MET: variants seen among roughly 807,000 people sequenced by gnomAD.
The protein encoded by MET is hepatocyte growth factor receptor.
Under a neutral mutation model 133.1 loss-of-function variants are expected in MET, and 48 were observed. That is an observed-to-expected ratio of 0.36 (90% confidence interval 0.29 to 0.46). MET has a LOEUF of 0.46. Among genes scored for constraint, MET ranks in the 20% least tolerant of loss-of-function variants. The pLI is 1.00. For synonymous variants in MET, 628 were observed against 616.5 expected (o/e 1.02, Z -0.28); for missense variants, 1,442 against 1,695.9 (o/e 0.85, Z 2.63).
chr7:116,705,506 T>C lies in MET; in HGVS notation c.1200+5222T>C, dbSNP rs149508208. Among the ~76,000 whole-genome samples the C allele has an allele frequency of 5.3e-3, 805 of 152,260 alleles. 6 individuals are homozygous for C. The highest frequency in any genetic ancestry group is 9.9e-3 in the Admixed American group (152 of 15,280). On this transcript the variant is annotated intron_variant, in intron 2 of 20. Coordinates refer to ENST00000397752, the MANE Select transcript of MET (RefSeq NM_000245.4). The stretch of plus-strand genomic sequence containing the variant: ...GAAGCCAGATTATAGAGTTTTTTAC[T>C]TATTGTGCTCAAAAATGAGAAAATG...
At chr7:116,705,835 C>T (rs574975510) in intron 2 of MET, among the ~76,000 whole-genome samples, 70 of 152,116 alleles carry the variant, frequency 4.6e-4, no homozygotes, top group African/African-American at 1.4e-3. Flanking sequence ...ACTCATTCCA[C>T]GAAAAGTGGC....
At chr7:116,687,436 T>C (rs1440546304) in intron 1 of MET, among the ~76,000 whole-genome samples, 2 of 152,240 alleles carry the variant, frequency 1.3e-5, no homozygotes, top group Non-Finnish European at 2.9e-5. Flanking sequence ...TGGTTCTTTA[T>C]TTTCTGGTGA....
At chr7:116,718,142 A>G (rs951408085) in intron 2 of MET, among the ~76,000 whole-genome samples, 1 of 152,230 alleles carries the variant, frequency 6.6e-6, no homozygotes, top group African/African-American at 2.4e-5. Flanking sequence ...TAATCCCAGC[A>G]CTTTGGGAAG....
At chr7:116,779,280 C>T (rs1795084926) in intron 17 of MET, among the ~76,000 whole-genome samples, 1 of 152,196 alleles carries the variant, frequency 6.6e-6, no homozygotes, top group South Asian at 2.1e-4. Context: ...GCAGAGCAAG[C>T]CTCAGCCCAT....
intron 2 of MET, among the ~76,000 whole-genome samples, chr7:116,705,137 A>T (rs544657682): frequency 1.3e-5 from 2 of 152,094 alleles, no homozygotes; most frequent in African/African-American, 4.8e-5. Context: ...AAAAATAAAC[A>T]TACAGTGATG....
intron 2 of MET, among the ~76,000 whole-genome samples, chr7:116,721,086 A>G (rs1792466469): frequency 1.3e-5 from 2 of 152,226 alleles, no homozygotes; most frequent in Admixed American, 1.3e-4. Context: ...TGCACCTCTG[A>G]TAGAATTCGG....
chr7:116,797,383 C>T lies in MET; in HGVS notation c.*1259C>T, dbSNP rs1055498170. On this transcript the variant is annotated 3_prime_UTR_variant, in exon 21 of 21. Transcript: ENST00000397752. ...TTCCCACCTCGCAAGCAATTGGAAA[C>T]AAAACTTTTGGGGAGTTTTATTTTG... The T allele has an allele frequency of 1.3e-5, 3 of 228,026 alleles. No homozygotes were observed. Among genetic ancestry groups the T allele is most frequent in the African/African-American group, 6.7e-5 (3 of 44,898 alleles). The allele number at this position is 228,026 out of a possible 1,614,324, so 14.1% of individuals were successfully genotyped here.
intron 1 of MET, among the ~76,000 whole-genome samples, chr7:116,679,368 T>C (rs1456332887): frequency 6.6e-6 from 1 of 152,226 alleles, no homozygotes; most frequent in Non-Finnish European, 1.5e-5. Context: ...ATATATGACA[T>C]TTATTGAAAT....
intron 14 of MET, 100 bp downstream of exon 14, chr7:116,772,089 A>G (rs2116999718): frequency 2.2e-6 from 3 of 1,358,076 alleles, no homozygotes; most frequent in East Asian, 4.7e-5. Flanking sequence ...ATTTTTATAA[A>G]AACCTAAAGG....
intron 2 of MET, among the ~76,000 whole-genome samples, chr7:116,703,712 C>T (rs1791668126): frequency 6.6e-6 from 1 of 152,042 alleles, no homozygotes; most frequent in African/African-American, 2.4e-5. Flanking sequence ...AGAATCAGTA[C>T]ACATTGGCCC....
Position 116,699,831 on chromosome 7 carries a change from T to C in MET, c.747T>C (p.Tyr249=). 1 of 1,614,150 alleles carries C rather than the reference T, an allele frequency of 6.2e-7. No individual in the cohort carries two copies. Among genetic ancestry groups the C allele is most frequent in the Non-Finnish European group, 8.5e-7 (1 of 1,179,982 alleles). ...TCAGAGATTCTTACCCCATTAAGTA[T>C]GTCCATGCCTTTGAAAGCAACAATT... The part of the protein sequence containing the change: ...PEFRDSYPIK[Y]VHAFESNNFI... The change falls in exon 2 of 21, where the codon TAT becomes TAC. Residue 249 remains tyrosine (Y), a synonymous_variant. Transcript: ENST00000397752.
rs6946538 is a variant in MET at position 116,757,059 on chromosome 7, T to C, written c.1863-378T>C. Among the ~76,000 whole-genome samples the C allele has an allele frequency of 8.3e-3, 1,246 of 150,846 alleles. 22 individuals are homozygous for C. Among genetic ancestry groups the C allele is most frequent in the African/African-American group, 0.029 (1,180 of 41,092 alleles). ...GCCTGGGCAACGTAGTGAGACTCCA[T>C]CTCTACCAAAAAAAAAAAAAAATTT... On this transcript the variant is annotated intron_variant, in intron 6 of 20. Transcript: ENST00000397752.
intron 1 of MET, among the ~76,000 whole-genome samples, chr7:116,684,468 A>G (rs1450588377): frequency 6.6e-6 from 1 of 152,244 alleles, no homozygotes; most frequent in Non-Finnish European, 1.5e-5. Flanking sequence ...AGGCTAGATA[A>G]GGGGAAGACA....
At chr7:116,681,945 A>T (rs1249129656) in intron 1 of MET, among the ~76,000 whole-genome samples, 1 of 152,248 alleles carries the variant, frequency 6.6e-6, no homozygotes, top group Non-Finnish European at 1.5e-5. Flanking sequence ...TGACAAAAAA[A>T]AAAACTTCCT....
rs980266955 is a variant in MET at position 116,796,326 on chromosome 7, G to A, written c.*202G>A. 15 of 608,016 alleles carry A rather than the reference G, an allele frequency of 2.5e-5. No individual in the cohort carries two copies. The highest frequency in any genetic ancestry group is 2.0e-4 in the East Asian group (7 of 35,562). 37.7% of individuals were successfully genotyped at this position (608,016 alleles called of 1,614,324 possible). A position where few individuals can be genotyped will look rare whatever the true frequency, so the allele number is the denominator to read the frequency against. On this transcript the variant is annotated 3_prime_UTR_variant, in exon 21 of 21. Coordinates refer to ENST00000397752, the MANE Select transcript of MET (RefSeq NM_000245.4). ...CCAGAGGCTTGGTCCCACAGGCCAC[G>A]GACCAATGGCCTGCAGCCGTGACAA...
chr7:116,727,654 C>CGATAACTCCTG (rs1792847939), intron 2 of MET, among the ~76,000 whole-genome samples: 1 of 152,126 alleles, frequency 6.6e-6, no homozygotes. Context: ...CCCTAAGACA[C>CGATAACTCCTG]GATAACTCCT....
intron 17 of MET, among the ~76,000 whole-genome samples, chr7:116,779,307 A>C (rs996964651): frequency 6.6e-6 from 1 of 152,230 alleles, no homozygotes; most frequent in African/African-American, 2.4e-5. Context: ...TGTTAACTCT[A>C]CAAGGCATTG....
intron 19 of MET, among the ~76,000 whole-genome samples, chr7:116,787,715 G>T (rs1265120061): frequency 6.6e-6 from 1 of 152,170 alleles, no homozygotes. Context: ...TCCAACACAT[G>T]AACTTTGGGG....
At chr7:116,674,593 C>T (rs1476503072) in intron 1 of MET, among the ~76,000 whole-genome samples, 1 of 152,198 alleles carries the variant, frequency 6.6e-6, no homozygotes, top group African/African-American at 2.4e-5. Flanking sequence ...CATCTCAAAA[C>T]AACGTGAATA....
Sources: allele counts gnomAD v4.1 joint callset (sites outside exome capture counted in the v4.1 genomes callset), GRCh38; gene constraint gnomAD v4.1.1; transcripts MANE v1.5; gene names NCBI Gene and HGNC (gene_info 2026-07-23, HGNC 2026-07-21).